MACROD2: variants seen among roughly 807,000 people sequenced by gnomAD.
MACROD2 encodes mono-ADP ribosylhydrolase 2, also known as ADP-ribose glycohydrolase MACROD2.
A neutral mutation model predicts 70.4 loss-of-function variants in MACROD2; 36 were observed. That is an observed-to-expected ratio of 0.51 (90% confidence interval 0.39 to 0.68). The LOEUF (loss-of-function observed/expected upper bound fraction) is 0.68, where lower values mean the gene tolerates loss of function less well. Among genes scored for constraint, MACROD2 ranks in the 30% least tolerant of loss-of-function variants. The probability of loss-of-function intolerance (pLI) is 0.00; values close to 1 mark genes in which losing one functional copy is unlikely to be tolerated. For missense variants in MACROD2, 496 were observed against 538.4 expected (o/e 0.92, Z 0.78); for synonymous variants, 172 against 178.8 (o/e 0.96, Z 0.30).
At chr20:15,350,705 A>G (rs1247909551) in intron 6 of MACROD2, among the ~76,000 whole-genome samples, 1 of 152,212 alleles carries the variant, frequency 6.6e-6, no homozygotes, top group Non-Finnish European at 1.5e-5. Flanking sequence ...ACAACATGTT[A>G]AAATATTCTT....
At chr20:14,585,566 GCTTTA>G (rs940474916) in intron 4 of MACROD2, among the ~76,000 whole-genome samples, 7 of 151,858 alleles carry the variant, frequency 4.6e-5, no homozygotes, top group East Asian at 1.9e-4. Context: ...ATGTATTTTG[GCTTTA>G]CTTCTTCATT....
chr20:14,120,587 G>A (rs1488070619), intron 3 of MACROD2, among the ~76,000 whole-genome samples: 1 of 151,476 alleles, frequency 6.6e-6, no homozygotes, highest in African/African-American at 2.4e-5. Context: ...GTTTATTGCA[G>A]CACTATTTAC....
intron 3 of MACROD2, among the ~76,000 whole-genome samples, chr20:14,282,545 A>G (rs74805657): frequency 0.019 from 2,940 of 152,308 alleles, 95 homozygotes; most frequent in African/African-American, 0.067. Flanking sequence ...TAAGCCATCA[A>G]TGTTTTAAAG....
intron 6 of MACROD2, among the ~76,000 whole-genome samples, chr20:15,296,024 CCT>C (rs2077584857): frequency 1.3e-5 from 2 of 152,192 alleles, no homozygotes; most frequent in African/African-American, 4.8e-5. Flanking sequence ...GCAGTCAGCT[CCT>C]CTCTTGATGA....
chr20:14,839,778 A>G (rs1205664067), intron 5 of MACROD2, among the ~76,000 whole-genome samples: 3 of 152,088 alleles, frequency 2.0e-5, no homozygotes. Flanking sequence ...AACTTCACCA[A>G]CACTGCTGAA....
chr20:14,212,100 G>C (rs776271235), intron 3 of MACROD2, among the ~76,000 whole-genome samples: 1 of 152,028 alleles, frequency 6.6e-6, no homozygotes, highest in Non-Finnish European at 1.5e-5. Context: ...TTGCTTCAAG[G>C]GTTTTGGATG....
At chr20:14,391,501 GA>G (rs1176211743) in intron 3 of MACROD2, among the ~76,000 whole-genome samples, 1 of 151,886 alleles carries the variant, frequency 6.6e-6, no homozygotes, top group Non-Finnish European at 1.5e-5. Context: ...AGAGGATCAG[GA>G]AAAATAACTA....
chr20:16,028,117 C>T (rs2067105137), intron 15 of MACROD2, among the ~76,000 whole-genome samples: 1 of 152,214 alleles, frequency 6.6e-6, no homozygotes, highest in Non-Finnish European at 1.5e-5. Context: ...GCTGGAACTC[C>T]TTTGAAACTG....
intron 8 of MACROD2, among the ~76,000 whole-genome samples, chr20:15,539,262 T>C (rs1169731475): frequency 6.6e-6 from 1 of 152,324 alleles, no homozygotes; most frequent in East Asian, 1.9e-4. Context: ...GCCAAATGCT[T>C]TCTCTAAAAT....
intron 8 of MACROD2, among the ~76,000 whole-genome samples, chr20:15,609,333 C>T (rs1050523742): frequency 6.6e-6 from 1 of 152,338 alleles, no homozygotes; most frequent in Middle Eastern, 3.4e-3. Flanking sequence ...ACAAGGCATA[C>T]GGTGCATTCA....
chr20:15,564,519 G>A (rs560562238), intron 8 of MACROD2, among the ~76,000 whole-genome samples: 116 of 152,094 alleles, frequency 7.6e-4, no homozygotes, highest in Non-Finnish European at 1.2e-3. Context: ...AGCACATTTC[G>A]CAGCTGGGTT....
chr20:14,380,993 C>T (rs1347107998), intron 3 of MACROD2, among the ~76,000 whole-genome samples: 1 of 152,082 alleles, frequency 6.6e-6, no homozygotes, highest in Non-Finnish European at 1.5e-5. Flanking sequence ...TAGTGGCTAT[C>T]ACCTTAGAAA....
chr20:14,696,874 C>T (rs2071131900), intron 5 of MACROD2, among the ~76,000 whole-genome samples: 1 of 152,138 alleles, frequency 6.6e-6, no homozygotes, highest in African/African-American at 2.4e-5. Flanking sequence ...ATTGTCCTTC[C>T]GTACTGGGCT....
intron 5 of MACROD2, among the ~76,000 whole-genome samples, chr20:15,025,691 C>A (rs1439624863): frequency 6.6e-6 from 1 of 152,074 alleles, no homozygotes; most frequent in Non-Finnish European, 1.5e-5. Flanking sequence ...CTGGATGATT[C>A]TTTGGTCTGG....
intron 3 of MACROD2, among the ~76,000 whole-genome samples, chr20:14,305,625 A>G (rs1398113095): frequency 6.6e-6 from 1 of 152,158 alleles, no homozygotes; most frequent in Non-Finnish European, 1.5e-5. Flanking sequence ...TGTTGAAAGG[A>G]GTTCCCCAGT....
chr20:15,905,932 G>A (rs1043025460), intron 10 of MACROD2, among the ~76,000 whole-genome samples: 2 of 152,194 alleles, frequency 1.3e-5, no homozygotes, highest in Non-Finnish European at 2.9e-5. Context: ...CATGCCTGAG[G>A]AATGACATGC....
chr20:15,567,805 T>C (rs1380921677), intron 8 of MACROD2, among the ~76,000 whole-genome samples: 2 of 152,246 alleles, frequency 1.3e-5, no homozygotes, highest in African/African-American at 4.8e-5. Flanking sequence ...AGAGGGCAGC[T>C]GTTTCTCTGC....
chr20:15,954,711 C>T (rs1452293828), intron 12 of MACROD2, among the ~76,000 whole-genome samples: 1 of 152,128 alleles, frequency 6.6e-6, no homozygotes, highest in East Asian at 1.9e-4. Context: ...CAGTTCCTGC[C>T]TTTCAAGGAA....
chr20:15,940,952 G>T (rs925992838), intron 12 of MACROD2, among the ~76,000 whole-genome samples: 2 of 151,974 alleles, frequency 1.3e-5, no homozygotes, highest in African/African-American at 4.8e-5. Flanking sequence ...CATGAAAGAG[G>T]GATAATTTAA....
Sources: allele counts gnomAD v4.1 joint callset (sites outside exome capture counted in the v4.1 genomes callset), GRCh38; gene constraint gnomAD v4.1.1; transcripts MANE v1.5; gene names NCBI Gene and HGNC (gene_info 2026-07-23, HGNC 2026-07-21).